The following SUPT4H1 variants were observed in gnomAD, a reference collection of about 807,000 sequenced individuals.
The protein encoded by SUPT4H1 is transcription elongation factor SPT4.
In SUPT4H1, 12 loss-of-function variants were observed where a neutral mutation model predicts 19.4. That is an observed-to-expected ratio of 0.62 (90% CI 0.40 to 1.00). The LOEUF (loss-of-function observed/expected upper bound fraction) is 1.00. SUPT4H1 is among the 50% of genes least tolerant of loss of function. The probability of loss-of-function intolerance (pLI) is 0.00; values close to 1 mark genes in which losing one functional copy is unlikely to be tolerated. For synonymous variants in SUPT4H1, 58 were observed against 56.3 expected (o/e 1.03, Z -0.14); for missense variants, 115 against 149.2 (o/e 0.77, Z 1.19).
intron 2 of SUPT4H1, among the ~76,000 whole-genome samples, chr17:58,349,751 T>C (rs908563640): frequency 1.5e-5 from 2 of 137,130 alleles, no homozygotes; most frequent in African/African-American, 2.6e-5. Flanking sequence ...TGAATGAACC[T>C]TGAAGACATT....
intron 4 of SUPT4H1, 117 bp downstream of exon 4, chr17:58,347,070 TC>T (rs1465292655): frequency 4.0e-6 from 4 of 997,826 alleles, no homozygotes; most frequent in Admixed American, 1.9e-5. Context: ...TGTGCCTGGT[TC>T]CCCCCATCTG....
At chr17:58,346,365 T>C (rs757441885) in intron 4 of SUPT4H1, 52 bp from the exon 5 acceptor site, 112 of 1,516,560 alleles carry the variant, frequency 7.4e-5, no homozygotes, top group Non-Finnish European at 9.9e-5. Context: ...AAGGGTAAGA[T>C]AGGCCACTCA....
At position 58,346,115 on chromosome 17, in the gene SUPT4H1, C is replaced by T. The variant is rs1459983497; in HGVS notation, c.*131G>A. 9.7e-6 allele frequency: 7 copies of T among 722,086 alleles called. No individual in the cohort carries two copies. The highest frequency in any genetic ancestry group is 2.3e-5 in the Admixed American group (1 of 44,354). The allele number at this position is 722,086 out of a possible 1,614,324, so 44.7% of individuals were successfully genotyped here. A position where few individuals can be genotyped will look rare whatever the true frequency, so the allele number is the denominator to read the frequency against. ...GATAAAATGATAAAATGATGTGCTG[C>T]TCTCTCAACAGTCAGCTGAGTCTGA... On this transcript the variant is annotated 3_prime_UTR_variant, in exon 5 of 5. Transcript: ENST00000225504.
At chr17:58,346,365 T>A in intron 4 of SUPT4H1, 52 bp from the exon 5 acceptor site, 1 of 1,516,678 alleles carries the variant, frequency 6.6e-7, no homozygotes, top group Middle Eastern at 1.7e-4. Flanking sequence ...AAGGGTAAGA[T>A]AGGCCACTCA....
At position 58,352,121 on chromosome 17, in the gene SUPT4H1, C is replaced by A; in HGVS notation, c.15G>T (p.Thr5=). 2 of 1,614,178 alleles carry A rather than the reference C, an allele frequency of 1.2e-6. No homozygotes were observed. Among genetic ancestry groups the A allele is most frequent in the Non-Finnish European group, 1.7e-6 (2 of 1,180,020 alleles). Residue 5 remains threonine, a synonymous_variant, in exon 1 of 5, where the codon ACG becomes ACT. Coordinates refer to ENST00000225504, the MANE Select transcript of SUPT4H1 (RefSeq NM_003168.3). MALE[T]VPKDLRHLRA... ...GCAGATGCCGCAGGTCCTTCGGCAC[C>A]GTCTCCAGGGCCATCTTCGCCGATG...
intron 4 of SUPT4H1, among the ~76,000 whole-genome samples, chr17:58,346,903 C>G (rs148031847): frequency 5.5e-4 from 83 of 152,032 alleles, no homozygotes; most frequent in Middle Eastern, 3.4e-3. Flanking sequence ...CACATGAGCC[C>G]AGGAGTTAGA....
chr17:58,351,721 A>G, intron 1 of SUPT4H1: 1 of 578,892 alleles, frequency 1.7e-6, no homozygotes, highest in Non-Finnish European at 3.1e-6. Context: ...CGTTTTATCT[A>G]TTCCTTTCTC....
At position 58,347,033 on chromosome 17, in the gene SUPT4H1, G is replaced by A. The variant is rs1028490766; in HGVS notation, c.286+155C>T. Among the ~76,000 whole-genome samples the A allele has an allele frequency of 4.6e-5, 7 of 152,164 alleles. 1 individual carries two copies. The highest frequency in any genetic ancestry group is 4.6e-4 in the Admixed American group (7 of 15,286). ...CCTGGCTCCTCATTTACTACCTGGTGACCTCCAGCAAGTGATTTAACCTCT... is the reference window on the plus strand; with the variant it reads ...CCTGGCTCCTCATTTACTACCTGGTAACCTCCAGCAAGTGATTTAACCTCT... On this transcript the variant is annotated intron_variant, in intron 4 of 4. Transcript: ENST00000225504.
chr17:58,352,017 C>T (rs1215236282), intron 1 of SUPT4H1, 50 bp downstream of exon 1: 9 of 1,601,404 alleles, frequency 5.6e-6, no homozygotes, highest in African/African-American at 1.3e-5. Flanking sequence ...CGCCCTCTTT[C>T]CCCGACCTTG....
At chr17:58,349,763 T>C (rs562642297) in intron 2 of SUPT4H1, among the ~76,000 whole-genome samples, 1 of 121,928 alleles carries the variant, frequency 8.2e-6, no homozygotes, top group Non-Finnish European at 1.8e-5. Flanking sequence ...GAAGACATTA[T>C]GTTGGTGAAA....
intron 2 of SUPT4H1, among the ~76,000 whole-genome samples, chr17:58,349,838 A>G (rs1257491972): frequency 1.3e-5 from 2 of 152,244 alleles, no homozygotes; most frequent in Non-Finnish European, 2.9e-5. Context: ...GGCCAAATTC[A>G]TAGAGACAAA....
intron 3 of SUPT4H1, 99 bp downstream of exon 3, chr17:58,347,430 C>T: frequency 6.8e-7 from 1 of 1,477,360 alleles, no homozygotes; most frequent in Non-Finnish European, 9.5e-7. Flanking sequence ...TCTTTCCCAC[C>T]CTGAGGTCAC....
At chr17:58,347,153 A>G in intron 4 of SUPT4H1, 35 bp downstream of exon 4, 3 of 1,601,434 alleles carry the variant, frequency 1.9e-6, no homozygotes, top group Non-Finnish European at 2.6e-6. Flanking sequence ...AGAGCTTTAC[A>G]GTAAATGAAC....
intron 1 of SUPT4H1, 200 bp from the exon 2 acceptor site, chr17:58,351,708 T>G: frequency 3.5e-6 from 2 of 578,796 alleles, no homozygotes; most frequent in Non-Finnish European, 6.1e-6. Flanking sequence ...TCGTTCCCAA[T>G]TCCGTTTTAT....
chr17:58,345,387 A>G lies in SUPT4H1; in HGVS notation c.*859T>C, dbSNP rs1362833870. 2 of 152,168 alleles carry G rather than the reference A, an allele frequency of 1.3e-5. No homozygotes were observed. Among genetic ancestry groups the G allele is most frequent in the East Asian group, 3.9e-4 (2 of 5,178 alleles). 9.4% of individuals were successfully genotyped at this position (152,168 alleles called of 1,614,324 possible). A position where few individuals can be genotyped will look rare whatever the true frequency, so the allele number is the denominator to read the frequency against. ...ATTTGTGGTAAATTTTTTTATCCTA[A>G]AACAACTCACCTTGGCCGAAAAATG... On this transcript the variant is annotated 3_prime_UTR_variant, in exon 5 of 5. Transcript: ENST00000225504.
intron 1 of SUPT4H1, 183 bp downstream of exon 1, chr17:58,351,884 C>T (rs1972538354): frequency 7.8e-6 from 5 of 639,706 alleles, no homozygotes; most frequent in Non-Finnish European, 1.4e-5. Flanking sequence ...CCCCTGCCCT[C>T]AGCTGCAAGA....
At position 58,351,359 on chromosome 17, in the gene SUPT4H1, T is replaced by C. The variant is rs527644760; in HGVS notation, c.176+43A>G. The C allele has an allele frequency of 3.4e-5, 47 of 1,388,030 alleles. No homozygotes were observed. The East Asian group carries it at 7.4e-4, about 22-fold the overall frequency. The allele number at this position is 1,388,030 out of a possible 1,614,324, so 86.0% of individuals were successfully genotyped here. ...CTGCATTTACTTCTCTGGGTGCAGG[T>C]TGGGTAATGCAGAAGTGAATGATGG... On this transcript the variant is annotated intron_variant, in intron 2 of 4. Transcript: ENST00000225504.
rs1321532551 is a variant in SUPT4H1, at chr17:58,345,998, C to T, written c.*248G>A. 2 of 451,742 alleles carry T rather than the reference C, an allele frequency of 4.4e-6. No homozygotes were observed. Among genetic ancestry groups the T allele is most frequent in the East Asian group, 8.4e-5 (2 of 23,838 alleles). 28.0% of individuals were successfully genotyped at this position (451,742 alleles called of 1,614,324 possible). A position where few individuals can be genotyped will look rare whatever the true frequency, so the allele number is the denominator to read the frequency against. On this transcript the variant is annotated 3_prime_UTR_variant, in exon 5 of 5. Coordinates refer to ENST00000225504, the MANE Select transcript of SUPT4H1 (RefSeq NM_003168.3). Reference sequence around the variant, plus strand: ...ATGGGGAAGGCACAGACCTGGGCCACGGGTAGGAAAATCAGCATCCTACTC... The same window carrying T: ...ATGGGGAAGGCACAGACCTGGGCCATGGGTAGGAAAATCAGCATCCTACTC...
In SUPT4H1 at chr17:58,352,115, C is replaced by T; in HGVS notation, c.21G>A (p.Pro7=). 7 of 1,614,196 alleles carry T rather than the reference C, an allele frequency of 4.3e-6. No individual in the cohort carries two copies. The highest frequency in any genetic ancestry group is 5.9e-6 in the Non-Finnish European group (7 of 1,180,030). Residue 7 remains proline, a synonymous_variant, in exon 1 of 5, where the codon CCG becomes CCA. Coordinates refer to ENST00000225504, the MANE Select transcript of SUPT4H1 (RefSeq NM_003168.3). MALETV[P]KDLRHLRACL... is the part of the protein sequence containing the mutation. ...AGGCCCGCAGATGCCGCAGGTCCTT[C>T]GGCACCGTCTCCAGGGCCATCTTCG... is the stretch of plus-strand genomic sequence containing the variant.
Sources: allele counts gnomAD v4.1 joint callset (sites outside exome capture counted in the v4.1 genomes callset), GRCh38; gene constraint gnomAD v4.1.1; transcripts MANE v1.5; gene names NCBI Gene and HGNC (gene_info 2026-07-23, HGNC 2026-07-21).